Variants in CCNY observed in about 807,000 individuals in gnomAD.
CCNY encodes the protein cyclin-Y.
In CCNY, 19 loss-of-function variants were observed where a neutral mutation model predicts 42.8. That is an observed-to-expected ratio of 0.44 (90% confidence interval 0.31 to 0.65). The LOEUF (loss-of-function observed/expected upper bound fraction) is 0.65, where lower values mean the gene tolerates loss of function less well. Ranked by LOEUF, CCNY falls within the 30% of genes least tolerant of loss-of-function variation. The probability of loss-of-function intolerance (pLI) is 0.07; values close to 1 mark genes in which losing one functional copy is unlikely to be tolerated. For synonymous variants in CCNY, 165 were observed against 162.7 expected, an observed-to-expected ratio of 1.01 and a Z score of -0.11; for missense variants, 370 against 437.3, an observed-to-expected ratio of 0.85 and a Z score of 1.37.
At chr10:35,406,201 TTTTA>T (rs34172154) in intron 1 of CCNY, among the ~76,000 whole-genome samples, 7,412 of 124,234 alleles carry the variant, frequency 0.06, 220 homozygotes, top group African/African-American at 0.11. Flanking sequence ...TTCTTTTTTA[TTTTA>T]TTTATTTATT....
At chr10:35,553,993 C>T (rs1841313470) in intron 8 of CCNY, among the ~76,000 whole-genome samples, 4 of 152,226 alleles carry the variant, frequency 2.6e-5, no homozygotes, top group South Asian at 4.1e-4. Flanking sequence ...TTTGTAGTCA[C>T]TTCTGACATT....
intron 1 of CCNY, among the ~76,000 whole-genome samples, chr10:35,362,771 C>T (rs780001423): frequency 5.3e-5 from 8 of 151,010 alleles, no homozygotes; most frequent in Admixed American, 5.3e-4. Flanking sequence ...CTCATCACAT[C>T]CCAGAGGGTG....
chr10:35,423,122 G>C (rs1429944840), intron 1 of CCNY, among the ~76,000 whole-genome samples: 1 of 152,130 alleles, frequency 6.6e-6, no homozygotes, highest in Admixed American at 6.5e-5. Context: ...TGTTTAGTCT[G>C]TGTGATGTTT....
intron 8 of CCNY, among the ~76,000 whole-genome samples, chr10:35,565,026 C>T (rs926889478): frequency 3.3e-5 from 5 of 152,134 alleles, no homozygotes; most frequent in Non-Finnish European, 5.9e-5. Context: ...CTGGGGAGAA[C>T]GTGCTGAATC....
At chr10:35,284,395 G>A (rs1033503437) in intron 3 of CCNY, among the ~76,000 whole-genome samples, 3 of 152,054 alleles carry the variant, frequency 2.0e-5, no homozygotes, top group African/African-American at 4.8e-5. Context: ...TCCTCCTGCC[G>A]TGCCTGAAGT....
At chr10:35,546,578 G>A (rs1482889202) in intron 7 of CCNY, among the ~76,000 whole-genome samples, 1 of 152,222 alleles carries the variant, frequency 6.6e-6, no homozygotes, top group African/African-American at 2.4e-5. Context: ...AGTTGCAGCT[G>A]ACCCTTGACT....
chr10:35,337,956 A>G (rs1464850747), intron 1 of CCNY, among the ~76,000 whole-genome samples: 1 of 152,222 alleles, frequency 6.6e-6, no homozygotes, highest in East Asian at 1.9e-4. Context: ...TGCACGCAGT[A>G]ATGTTTTATT....
intron 1 of CCNY, among the ~76,000 whole-genome samples, chr10:35,373,415 G>A (rs1589070816): frequency 2.0e-5 from 3 of 152,266 alleles, no homozygotes; most frequent in Non-Finnish European, 4.4e-5. Flanking sequence ...GGTGAGTGGT[G>A]GAGGAGTGTG....
intron 1 of CCNY, among the ~76,000 whole-genome samples, chr10:35,465,904 GAAGA>G (rs1190776574): frequency 4.4e-5 from 3 of 68,324 alleles, no homozygotes; most frequent in Non-Finnish European, 6.2e-5. Context: ...AGGGTAGGGG[GAAGA>G]GAGAGAGAGA....
At chr10:35,286,286 T>C (rs2135058376) in intron 3 of CCNY, among the ~76,000 whole-genome samples, 1 of 152,268 alleles carries the variant, frequency 6.6e-6, no homozygotes, top group South Asian at 2.1e-4. Flanking sequence ...TCTTTTTATT[T>C]ATTTAGTGGT....
At chr10:35,249,039 G>T (rs1020638676) in intron 2 of CCNY, among the ~76,000 whole-genome samples, 1 of 151,968 alleles carries the variant, frequency 6.6e-6, no homozygotes, top group Non-Finnish European at 1.5e-5. Context: ...CCTCCGCCTC[G>T]CAGGCTCAAG....
chr10:35,321,249 G>A (rs1050096122), intron 3 of CCNY, among the ~76,000 whole-genome samples: 8 of 151,624 alleles, frequency 5.3e-5, no homozygotes, highest in Admixed American at 5.3e-4. Context: ...TAAAAACATT[G>A]CTGAATGTTA....
chr10:35,568,036 G>A (rs1039368438), intron 9 of CCNY, among the ~76,000 whole-genome samples: 3 of 152,186 alleles, frequency 2.0e-5, no homozygotes, highest in African/African-American at 7.2e-5. Context: ...GGTCCCCCTC[G>A]TCACCAGCTA....
At chr10:35,340,525 G>C (rs1836154516) in intron 1 of CCNY, among the ~76,000 whole-genome samples, 1 of 137,300 alleles carries the variant, frequency 7.3e-6, no homozygotes, top group African/African-American at 2.7e-5. Context: ...TTTTTTTTGA[G>C]ATGGAGTTTT....
Position 35,258,974 on chromosome 10 carries a change from C to T in CCNY, c.-9+8348C>T, listed in dbSNP as rs910022161. On this transcript the variant is annotated intron_variant, in intron 3 of 11. Transcript: ENST00000374706. Reference sequence around the variant, plus strand: ...AGGAAACACATGCACTGCTGCCTGCCGTGGGGAAAGGTGGTGAGGAAAAGG... The same window carrying T: ...AGGAAACACATGCACTGCTGCCTGCTGTGGGGAAAGGTGGTGAGGAAAAGG... 7.9e-5 allele frequency among the ~76,000 whole-genome samples: 12 copies of T among 151,460 alleles called. No individual in the cohort carries two copies. In the South Asian group the frequency reaches 8.3e-4, roughly 11 times the overall value.
intron 1 of CCNY, among the ~76,000 whole-genome samples, chr10:35,418,086 AG>A (rs1201694160): frequency 2.0e-5 from 3 of 152,254 alleles, no homozygotes; most frequent in Non-Finnish European, 4.4e-5. Context: ...TATGCTGCAA[AG>A]TAGAAACTGA....
chr10:35,460,719 G>A (rs1839140354), intron 1 of CCNY, among the ~76,000 whole-genome samples: 1 of 152,184 alleles, frequency 6.6e-6, no homozygotes, highest in African/African-American at 2.4e-5. Context: ...GTTTTCTAAA[G>A]TGTCCTGAAT....
At chr10:35,430,366 TGAG>T (rs1838364044) in intron 1 of CCNY, among the ~76,000 whole-genome samples, 1 of 141,580 alleles carries the variant, frequency 7.1e-6, no homozygotes, top group African/African-American at 2.6e-5. Context: ...AAAAAAGTGA[TGAG>T]ATGTTGAAAT....
chr10:35,522,409 A>G (rs1012553952), intron 4 of CCNY, among the ~76,000 whole-genome samples: 1 of 152,182 alleles, frequency 6.6e-6, no homozygotes, highest in Non-Finnish European at 1.5e-5. Context: ...CTGTGGGTCT[A>G]CATATCAGTC....
Sources: allele counts gnomAD v4.1 joint callset (sites outside exome capture counted in the v4.1 genomes callset), GRCh38; gene constraint gnomAD v4.1.1; transcripts MANE v1.5; gene names NCBI Gene and HGNC (gene_info 2026-07-23, HGNC 2026-07-21).